The following WAS variants were observed in gnomAD, a reference collection of about 807,000 sequenced individuals.
WAS encodes WASP actin nucleation promoting factor.
A neutral mutation model predicts 38.9 loss-of-function variants in WAS; 1 was observed. The observed-to-expected ratio is 0.03, with a 90% confidence interval of 0.01 to 0.12. The LOEUF (loss-of-function observed/expected upper bound fraction) is 0.12, where lower values mean the gene tolerates loss of function less well. Among genes scored for constraint, WAS ranks in the 10% least tolerant of loss-of-function variants. The probability of loss-of-function intolerance (pLI) is 1.00; values close to 1 mark genes in which losing one functional copy is unlikely to be tolerated. For missense variants in WAS, 311 were observed against 431.2 expected (o/e 0.72, Z 2.47); for synonymous variants, 182 against 173.6 (o/e 1.05, Z -0.38).
rs1557006793 is a variant in WAS, at chrX:48,686,788, A to G, written c.567A>G (p.Pro189=). The change falls in exon 7 of 12, where the codon CCA becomes CCG. Residue 189 remains proline, a synonymous_variant. Transcript: ENST00000376701. ...LHPGGDQGGP[P]VGPLSLGLAT... Reference sequence around the variant, plus strand: ...ACCCTATTTTCCCCACAGGCCCTCCAGTGGGTCCGCTCTCCCTGGGGCTGG... The same window carrying G: ...ACCCTATTTTCCCCACAGGCCCTCCGGTGGGTCCGCTCTCCCTGGGGCTGG... The G allele has an allele frequency of 6.6e-6, 8 of 1,211,193 alleles. No individual in the cohort carries two copies. Among genetic ancestry groups the G allele is most frequent in the Middle Eastern group, 2.6e-4 (1 of 3,896 alleles).
In WAS at chrX:48,683,837, C is replaced by A. The variant is rs782615912; in HGVS notation, c.-17C>A. The A allele has an allele frequency of 8.3e-6, 10 of 1,208,736 alleles. No homozygotes were observed. The highest frequency in any genetic ancestry group is 1.1e-5 in the Non-Finnish European group (10 of 894,445). On this transcript the variant is annotated 5_prime_UTR_variant, in exon 1 of 12. Transcript: ENST00000376701. ...GCACCCAGAGCCTCGCCAGAGAAGA[C>A]AAGGGCAGAAAGCACCATGAGTGGG...
At chrX:48,683,118 G>A (rs1557006077), upstream of WAS, 1 of 110,569 alleles carries the variant, frequency 9.0e-6, no homozygotes, top group Non-Finnish European at 1.9e-5. Context: ...GTCTTGCTCT[G>A]TCATCATCCA....
At chrX:48,684,241 A>G in intron 1 of WAS, 42 bp from the exon 2 acceptor site, 1 of 1,210,201 alleles carries the variant, frequency 8.3e-7, no homozygotes. Flanking sequence ...CCTTGTGGCT[A>G]CCCCTGACCA....
chrX:48,677,976 G>T (rs2062394359), intron 1 of WAS, among the ~76,000 whole-genome samples: 1 of 111,995 alleles, frequency 8.9e-6, no homozygotes. Flanking sequence ...CAAGGGTCCT[G>T]TTCCTGCCTG....
chrX:48,682,905 GA>G (rs1192171157), upstream of WAS, among the ~76,000 whole-genome samples: 552 of 102,589 alleles, frequency 5.4e-3, 2 homozygotes, highest in Middle Eastern at 0.031. Flanking sequence ...AAAAAAAAAA[GA>G]AAAAAAAAAG....
intron 1 of WAS, among the ~76,000 whole-genome samples, chrX:48,676,991 C>A (rs782695886): frequency 9.8e-5 from 11 of 112,413 alleles, no homozygotes; most frequent in Non-Finnish European, 1.9e-4. Context: ...AAGACTGAGG[C>A]GCAGGAAGGT....
rs1298646390 is a variant in WAS, at chrX:48,689,071, G to C, written c.1338+5G>C. On this transcript the variant is annotated splice_donor_5th_base_variant and intron_variant, in intron 10 of 11. Transcript: ENST00000376701. ...CAGGGAATTCAGCTGAACAAGGTGA[G>C]GACAGGCAGGATGGAGGATTGGGGG... The C allele has an allele frequency of 2.5e-6, 3 of 1,196,039 alleles. No individual in the cohort carries two copies. The highest frequency in any genetic ancestry group is 3.4e-6 in the Non-Finnish European group (3 of 890,718).
At chrX:48,691,007 C>A in intron 11 of WAS, 100 bp from the exon 12 acceptor site, 1 of 749,600 alleles carries the variant, frequency 1.3e-6, no homozygotes, top group Non-Finnish European at 2.1e-6. Context: ...CCTCCTCTAG[C>A]ATGAGACCTC....
chrX:48,684,140 C>T, intron 1 of WAS, 143 bp from the exon 2 acceptor site: 2 of 1,094,518 alleles, frequency 1.8e-6, no homozygotes, highest in Non-Finnish European at 2.5e-6. Context: ...CCAGGAAGAT[C>T]TCAATGTCTA....
At chrX:48,677,073 C>T (rs2062392527) in intron 1 of WAS, among the ~76,000 whole-genome samples, 1 of 111,690 alleles carries the variant, frequency 9.0e-6, no homozygotes, top group South Asian at 3.7e-4. Flanking sequence ...GAGGAGACTT[C>T]TGGTTCCCTG....
At chrX:48,689,505 G>C in intron 11 of WAS, 71 bp downstream of exon 11, 1 of 907,879 alleles carries the variant, frequency 1.1e-6, no homozygotes, top group Non-Finnish European at 1.6e-6. Context: ...AATCCCAGCA[G>C]TCACCACCAA....
chrX:48,682,922 C>A (rs2062406002), upstream of WAS, among the ~76,000 whole-genome samples: 1 of 108,187 alleles, frequency 9.2e-6, no homozygotes. Flanking sequence ...AAAAGTATGA[C>A]AAGCAGAAAG....
intron 2 of WAS, 23 bp downstream of exon 2, chrX:48,684,446 G>C (rs2062413294): frequency 8.4e-7 from 1 of 1,196,920 alleles, no homozygotes; most frequent in African/African-American, 1.8e-5. Flanking sequence ...CCCCCGACTG[G>C]ACTTGCAAGC....
At chrX:48,691,061 C>T in intron 11 of WAS, 46 bp from the exon 12 acceptor site, 1 of 1,173,507 alleles carries the variant, frequency 8.5e-7, no homozygotes, top group Non-Finnish European at 1.2e-6. Flanking sequence ...CCTATGAAGC[C>T]CCCCACCAAC....
intron 1 of WAS, among the ~76,000 whole-genome samples, chrX:48,677,129 G>T (rs1228372410): frequency 1.8e-5 from 2 of 111,800 alleles, no homozygotes; most frequent in African/African-American, 6.5e-5. Flanking sequence ...TCCTGTGCAG[G>T]TGCGGGGAGT....
At chrX:48,689,229 T>A in intron 10 of WAS, 91 bp from the exon 11 acceptor site, 1 of 950,542 alleles carries the variant, frequency 1.1e-6, no homozygotes, top group Non-Finnish European at 1.5e-6. Context: ...GGGACTGGAG[T>A]GTGTGGGAGA....
chrX:48,688,540 G>A, intron 9 of WAS, 87 bp downstream of exon 9: 2 of 1,192,515 alleles, frequency 1.7e-6, no homozygotes, highest in Non-Finnish European at 2.3e-6. Flanking sequence ...CCTTATGGGA[G>A]CACCTATACT....
chrX:48,686,995 G>A lies in WAS; in HGVS notation c.734+40G>A, dbSNP rs180938515. On this transcript the variant is annotated intron_variant, in intron 7 of 11. Transcript: ENST00000376701. ...CCAGTGGACCCACAGATTCCTGGGG[G>A]CAGAGGGGCACATGAACAAGTGGAC... 3.4e-6 allele frequency: 4 copies of A among 1,167,772 alleles called. No individual in the cohort carries two copies. In the East Asian group the frequency reaches 9.4e-5, roughly 27 times the overall value.
chrX:48,686,265 G>C (rs1557006706), intron 6 of WAS, 131 bp downstream of exon 6: 12 of 764,936 alleles, frequency 1.6e-5, no homozygotes, highest in Non-Finnish European at 2.1e-5. Context: ...ACGAGCAGGT[G>C]CATGGATGTG....
Sources: gnomAD v4.1 joint callset for allele counts (sites outside exome capture counted in the v4.1 genomes callset) on GRCh38, gnomAD v4.1.1 for gene constraint, MANE v1.5 for transcripts, NCBI Gene and HGNC (gene_info 2026-07-23, HGNC 2026-07-21) for gene names.